CDC42SE2: variants seen among roughly 807,000 people sequenced by gnomAD.
CDC42SE2 encodes CDC42 small effector 2.
CDC42SE2 carries 3 observed loss-of-function variants against 11.5 expected under a neutral mutation model. That is an observed-to-expected ratio of 0.26 (90% CI 0.12 to 0.67). CDC42SE2 has a LOEUF of 0.67. Ranked by LOEUF, CDC42SE2 falls within the 30% of genes least tolerant of loss-of-function variation. CDC42SE2 has a pLI of 0.80. For missense variants in CDC42SE2, 82 were observed against 106.8 expected (o/e 0.77, Z 1.02); for synonymous variants, 33 against 34.8 (o/e 0.95, Z 0.18).
intron 3 of CDC42SE2, among the ~76,000 whole-genome samples, chr5:131,372,099 C>T (rs1750027462): frequency 6.6e-6 from 1 of 152,066 alleles, no homozygotes; most frequent in African/African-American, 2.4e-5. Flanking sequence ...TTAACATGAA[C>T]AAATACTTAT....
At chr5:131,248,435 C>A (rs543850617) in intron 1 of CDC42SE2, among the ~76,000 whole-genome samples, 2 of 152,196 alleles carry the variant, frequency 1.3e-5, no homozygotes, top group Non-Finnish European at 2.9e-5. Context: ...CCATGCCCGG[C>A]AGAAGCATTC....
chr5:131,347,489 A>T (rs936758717), intron 2 of CDC42SE2, among the ~76,000 whole-genome samples: 1 of 152,216 alleles, frequency 6.6e-6, no homozygotes, highest in African/African-American at 2.4e-5. Flanking sequence ...ACAGGCTCTG[A>T]AATTGAGGCA....
intron 1 of CDC42SE2, among the ~76,000 whole-genome samples, chr5:131,292,559 C>CAAAAAAA (rs58166806): frequency 1.7e-5 from 2 of 117,884 alleles, no homozygotes; most frequent in African/African-American, 3.4e-5. Context: ...GACTCCATCT[C>CAAAAAAA]AAAAAAAAAA....
intron 1 of CDC42SE2, among the ~76,000 whole-genome samples, chr5:131,287,179 G>C (rs1757358405): frequency 6.6e-6 from 1 of 151,696 alleles, no homozygotes; most frequent in African/African-American, 2.4e-5. Context: ...ATTTTTAGTA[G>C]AGACTGGGTT....
chr5:131,236,296 T>A, the CDC42SE2 span, among the ~76,000 whole-genome samples: 1 of 152,204 alleles, frequency 6.6e-6, no homozygotes, highest in Non-Finnish European at 1.5e-5. Flanking sequence ...CACTTCACGA[T>A]TTTTAATAAA....
intron 3 of CDC42SE2, among the ~76,000 whole-genome samples, chr5:131,367,949 C>T (rs1014569757): frequency 2.0e-4 from 30 of 152,060 alleles, no homozygotes; most frequent in Admixed American, 1.8e-3. Flanking sequence ...TGTCCCACAG[C>T]GACTTCATAA....
chr5:131,379,459 G>C (rs539619670), intron 3 of CDC42SE2, among the ~76,000 whole-genome samples: 45 of 152,330 alleles, frequency 3.0e-4, no homozygotes, highest in African/African-American at 9.6e-4. Flanking sequence ...CCAGAAATGT[G>C]AGGGAGGTAG....
At chr5:131,267,766 C>T (rs1756900917) in intron 1 of CDC42SE2, among the ~76,000 whole-genome samples, 1 of 151,942 alleles carries the variant, frequency 6.6e-6, no homozygotes. Flanking sequence ...GTTTTAAAGT[C>T]CCAGTTGTCT....
At chr5:131,370,245 GGAAAA>G (rs1332986966) in intron 3 of CDC42SE2, among the ~76,000 whole-genome samples, 2 of 151,760 alleles carry the variant, frequency 1.3e-5, no homozygotes, top group African/African-American at 4.8e-5. Context: ...ACCATGTAAA[GGAAAA>G]GAAAAGAAAC....
At chr5:131,214,872 T>G in the CDC42SE2 span, among the ~76,000 whole-genome samples, 1 of 152,184 alleles carries the variant, frequency 6.6e-6, no homozygotes, top group East Asian at 1.9e-4. Context: ...TCTCAGGAGC[T>G]AGGGAAATAA....
upstream of CDC42SE2, among the ~76,000 whole-genome samples, chr5:131,243,302 G>A (rs937298460): frequency 4.6e-5 from 7 of 152,140 alleles, no homozygotes; most frequent in Non-Finnish European, 8.8e-5. Flanking sequence ...ATTTTTGGCC[G>A]GGCGCGGTGG....
At chr5:131,277,103 C>A (rs1269238076) in intron 1 of CDC42SE2, among the ~76,000 whole-genome samples, 1 of 152,168 alleles carries the variant, frequency 6.6e-6, no homozygotes, top group African/African-American at 2.4e-5. Flanking sequence ...GGATGACACA[C>A]TAGAAGTGTT....
At chr5:131,325,604 C>T (rs1478474494) in intron 2 of CDC42SE2, among the ~76,000 whole-genome samples, 1 of 151,940 alleles carries the variant, frequency 6.6e-6, no homozygotes, top group East Asian at 1.9e-4. Flanking sequence ...CTATTTTAGC[C>T]TGAACAAAAC....
intron 2 of CDC42SE2, among the ~76,000 whole-genome samples, chr5:131,335,634 T>C (rs949537408): frequency 6.6e-6 from 1 of 152,204 alleles, no homozygotes; most frequent in Admixed American, 6.5e-5. Context: ...AGGACTTGCT[T>C]TATGAATCTG....
chr5:131,229,152 T>G, the CDC42SE2 span, among the ~76,000 whole-genome samples: 1 of 148,360 alleles, frequency 6.7e-6, no homozygotes, highest in African/African-American at 2.6e-5. Flanking sequence ...CATAGACTTA[T>G]AATTACCTTA....
At position 131,393,941 on chromosome 5, in the gene CDC42SE2, A is replaced by T. The variant is rs1278621920; in HGVS notation, c.*2850A>T. ...CTACTCTGCAGCTGCCACTAACTCT[A>T]CAGGCACAGTAACTACACTTTATAC... On this transcript the variant is annotated 3_prime_UTR_variant, in exon 5 of 5. Transcript: ENST00000505065. The T allele has an allele frequency of 2.7e-5, 4 of 148,224 alleles. No homozygotes were observed. The highest frequency in any genetic ancestry group is 1.0e-4 in the African/African-American group (4 of 39,730). 9.2% of individuals were successfully genotyped at this position (148,224 alleles called of 1,614,324 possible). A position where few individuals can be genotyped will look rare whatever the true frequency, so the allele number is the denominator to read the frequency against.
chr5:131,333,095 T>C (rs184405238), intron 2 of CDC42SE2, among the ~76,000 whole-genome samples: 2,834 of 152,296 alleles, frequency 0.019, 42 homozygotes, highest in Non-Finnish European at 0.031. Flanking sequence ...GTTTTTATGG[T>C]TTTAGGTCTA....
At chr5:131,377,663 A>T (rs1174540616) in intron 3 of CDC42SE2, among the ~76,000 whole-genome samples, 2 of 152,202 alleles carry the variant, frequency 1.3e-5, no homozygotes, top group Non-Finnish European at 2.9e-5. Flanking sequence ...AGGGATTCTG[A>T]TGTACACTGT....
intron 2 of CDC42SE2, among the ~76,000 whole-genome samples, chr5:131,348,081 G>A (rs1188961861): frequency 2.0e-5 from 3 of 152,126 alleles, no homozygotes; most frequent in Admixed American, 1.3e-4. Flanking sequence ...TTGAAAACTG[G>A]CACAAGACAG....
Sources: gnomAD v4.1 joint callset for allele counts (sites outside exome capture counted in the v4.1 genomes callset) on GRCh38, gnomAD v4.1.1 for gene constraint, MANE v1.5 for transcripts, NCBI Gene and HGNC (gene_info 2026-07-23, HGNC 2026-07-21) for gene names.